CCNJL: variants seen among roughly 807,000 people sequenced by gnomAD.
CCNJL encodes the protein cyclin J like, also known as cyclin-J-like protein.
A neutral mutation model predicts 33.4 loss-of-function variants in CCNJL; 33 were observed. The observed-to-expected ratio is 0.99, with a 90% CI of 0.75 to 1.32. CCNJL has a LOEUF of 1.32. Among genes scored for constraint, CCNJL ranks in the 40% most tolerant of loss-of-function variants. The pLI is 0.00. For synonymous variants in CCNJL, 227 were observed against 220.9 expected, an observed-to-expected ratio of 1.03 and a Z score of -0.24; for missense variants, 512 against 499.7, an observed-to-expected ratio of 1.02 and a Z score of -0.23.
chr5:160,336,880 C>T (rs553375609), intron 1 of CCNJL, among the ~76,000 whole-genome samples: 108 of 152,232 alleles, frequency 7.1e-4, no homozygotes, highest in Non-Finnish European at 1.2e-3. Flanking sequence ...TCTCCAAAGA[C>T]GGCCAAAATT....
chr5:160,259,777 G>A lies in CCNJL; in HGVS notation c.281-6C>T, dbSNP rs13186129. 8.5e-5 allele frequency: 135 copies of A among 1,595,040 alleles called. No homozygotes were observed. The highest frequency in any genetic ancestry group is 1.1e-4 in the Non-Finnish European group (126 of 1,169,322). ...TTCCCGATCCTCGAACTTACCTGTC[G>A]GGGAGCAGGGGAAGCAGGGGTTACT... On this transcript the variant is annotated splice_polypyrimidine_tract_variant and splice_region_variant and intron_variant, in intron 3 of 5. Transcript: ENST00000257536.
At chr5:160,333,387 G>A (rs1763635034) in intron 1 of CCNJL, among the ~76,000 whole-genome samples, 1 of 151,954 alleles carries the variant, frequency 6.6e-6, no homozygotes, top group Non-Finnish European at 1.5e-5. Flanking sequence ...GCCTCCCAAA[G>A]TGCTGGGATT....
At chr5:160,327,481 G>T (rs990909272) in intron 1 of CCNJL, among the ~76,000 whole-genome samples, 7 of 152,338 alleles carry the variant, frequency 4.6e-5, no homozygotes, top group African/African-American at 1.7e-4. Flanking sequence ...ATAGGGGAAA[G>T]CTTTGACTCT....
chr5:160,267,616 G>C (rs1015300185), intron 3 of CCNJL, among the ~76,000 whole-genome samples: 1 of 152,162 alleles, frequency 6.6e-6, no homozygotes, highest in East Asian at 1.9e-4. Context: ...CATAATAAGT[G>C]TATCTATCTG....
At chr5:160,312,085 G>A (rs1763283173) in intron 1 of CCNJL, 113 bp from the exon 2 acceptor site, 2 of 672,428 alleles carry the variant, frequency 3.0e-6, no homozygotes, top group South Asian at 3.5e-5. Context: ...CCCCTCCTGC[G>A]CCGCTCAGAG....
Position 160,265,976 on chromosome 5 carries a change from A to G in CCNJL, c.281-6205T>C, listed in dbSNP as rs75109398. Among the ~76,000 whole-genome samples the G allele has an allele frequency of 5.2e-3, 789 of 152,362 alleles. 4 individuals carry two copies. The highest frequency in any genetic ancestry group is 0.016 in the African/African-American group (670 of 41,586). On this transcript the variant is annotated intron_variant, in intron 3 of 5. Transcript: ENST00000257536. ...AATCTCTTCCTCATTTTATCTGAGA[A>G]TGAGAACCAGACTTTTATCAGAAGT...
At chr5:160,332,463 A>G (rs1465154626) in intron 1 of CCNJL, among the ~76,000 whole-genome samples, 1 of 152,164 alleles carries the variant, frequency 6.6e-6, no homozygotes, top group African/African-American at 2.4e-5. Context: ...GTGATTCTTC[A>G]TCTCACTCAG....
At chr5:160,299,809 G>C (rs1183083373) in intron 2 of CCNJL, among the ~76,000 whole-genome samples, 1 of 150,964 alleles carries the variant, frequency 6.6e-6, no homozygotes, top group East Asian at 1.9e-4. Context: ...TCACTCCAAA[G>C]AGTCGGAAGT....
chr5:160,297,929 C>T (rs1762800461), intron 2 of CCNJL, among the ~76,000 whole-genome samples: 2 of 152,284 alleles, frequency 1.3e-5, no homozygotes, highest in South Asian at 4.1e-4. Context: ...CCAACCCCCG[C>T]CTTCTCACCT....
At chr5:160,305,328 T>A (rs1317166240) in intron 2 of CCNJL, among the ~76,000 whole-genome samples, 1 of 152,168 alleles carries the variant, frequency 6.6e-6, no homozygotes, top group South Asian at 2.1e-4. Flanking sequence ...GCTGTCAGAG[T>A]TCGGCAAGCG....
chr5:160,333,290 T>C (rs972989933), intron 1 of CCNJL, among the ~76,000 whole-genome samples: 5 of 151,960 alleles, frequency 3.3e-5, no homozygotes, highest in African/African-American at 1.2e-4. Flanking sequence ...GCCCGGCTAA[T>C]TTTTTTGTAT....
At chr5:160,334,833 A>T (rs1763663201) in intron 1 of CCNJL, among the ~76,000 whole-genome samples, 1 of 152,264 alleles carries the variant, frequency 6.6e-6, no homozygotes, top group South Asian at 2.1e-4. Flanking sequence ...TTCCAAATCC[A>T]TGACAAGAAA....
upstream of CCNJL, among the ~76,000 whole-genome samples, chr5:160,316,846 C>T (rs1763386527): frequency 6.6e-6 from 1 of 152,226 alleles, no homozygotes; most frequent in South Asian, 2.1e-4. Flanking sequence ...AATGTCCATA[C>T]ATTTCTAGCC....
chr5:160,320,845 CTTTCCTT>C (rs1221946383), intron 1 of CCNJL, among the ~76,000 whole-genome samples: 1 of 81,868 alleles, frequency 1.2e-5, no homozygotes, highest in Non-Finnish European at 2.8e-5. Context: ...TTCTTTCTTT[CTTTCCTT>C]CTTTCTTTCT....
chr5:160,253,620 C>A lies in CCNJL; in HGVS notation c.922G>T (p.Ala308Ser). 1 of 1,613,320 alleles carries A rather than the reference C, an allele frequency of 6.2e-7. No homozygotes were observed. Among genetic ancestry groups the A allele is most frequent in the Non-Finnish European group, 8.5e-7 (1 of 1,179,634 alleles). Residue 308 changes from alanine (A) to serine (S), a missense_variant, in exon 6 of 6, where the codon GCC becomes TCC. Physicochemically the swap from Ala to Ser is moderately conservative, Grantham distance 99. Transcript: ENST00000257536. Reference sequence around the variant, plus strand: ...TGGGCCTGCAAGGAGTCCCGATAGGCCAAGCATAGGTCCTGCACGGGGGTC... The same window carrying A: ...TGGGCCTGCAAGGAGTCCCGATAGGACAAGCATAGGTCCTGCACGGGGGTC... ...FQTPVQDLCL[A>S]YRDSLQAHRS... is the part of the protein sequence containing the mutation.
At chr5:160,289,442 C>G (rs73308692) in intron 2 of CCNJL, among the ~76,000 whole-genome samples, 12,115 of 152,144 alleles carry the variant, frequency 0.08, 531 homozygotes, top group Middle Eastern at 0.13. Context: ...CTTATCTACC[C>G]TGGCTTCCTT....
rs1554119622 is a variant in CCNJL at position 160,275,085 on chromosome 5, GT to G, written c.280+5439del. ...CATCTAGGTTTGGAAGGATTTGTGT[GT>G]TTTTTTTTTTTTTTTTGAGACAGAG... is the stretch of plus-strand genomic sequence containing the variant. On this transcript the variant is annotated intron_variant, in intron 3 of 5. Coordinates refer to ENST00000257536, the MANE Select transcript of CCNJL (RefSeq NM_001308173.3). Among the ~76,000 whole-genome samples, 272 of 113,000 alleles carry G rather than the reference GT, an allele frequency of 2.4e-3. 1 individual carries two copies. Among genetic ancestry groups the G allele is most frequent in the East Asian group, 9.1e-3 (33 of 3,610 alleles). The allele number at this position is 113,000 out of a possible 152,430, so 74.1% of individuals were successfully genotyped here. A position where few individuals can be genotyped will look rare whatever the true frequency, so the allele number is the denominator to read the frequency against.
intron 2 of CCNJL, among the ~76,000 whole-genome samples, chr5:160,285,974 C>A (rs993688897): frequency 3.3e-5 from 5 of 152,346 alleles, no homozygotes; most frequent in Admixed American, 3.3e-4. Flanking sequence ...TACAAGCTTG[C>A]AGACTACGTG....
intron 2 of CCNJL, among the ~76,000 whole-genome samples, chr5:160,287,821 C>T (rs113204542): frequency 3.3e-5 from 5 of 152,326 alleles, no homozygotes; most frequent in African/African-American, 1.2e-4. Flanking sequence ...GGTGACCTTC[C>T]CCTCAGCATG....
Sources: allele counts gnomAD v4.1 joint callset (sites outside exome capture counted in the v4.1 genomes callset), GRCh38; gene constraint gnomAD v4.1.1; transcripts MANE v1.5; gene names NCBI Gene and HGNC (gene_info 2026-07-23, HGNC 2026-07-21).